LRP1B: variants seen among roughly 807,000 people sequenced by gnomAD.
LRP1B encodes LDL receptor related protein 1B, also known as low-density lipoprotein receptor-related protein 1B.
Under a neutral mutation model 556.6 loss-of-function variants are expected in LRP1B, and 217 were observed. The ratio of observed to expected loss-of-function variants is 0.39; its 90% CI spans 0.35 to 0.44. LRP1B has a LOEUF of 0.44. Among genes scored for constraint, LRP1B ranks in the 20% least tolerant of loss-of-function variants. The pLI, the probability that LRP1B is intolerant of heterozygous loss-of-function variation, is 1.00. For missense variants in LRP1B, 5,053 were observed against 5,620.8 expected, an observed-to-expected ratio of 0.90 and a Z score of 3.23; for synonymous variants, 2,047 against 1,865.8, an observed-to-expected ratio of 1.10 and a Z score of -2.50.
chr2:142,104,791 C>A (rs975511186), intron 1 of LRP1B, among the ~76,000 whole-genome samples: 1 of 152,018 alleles, frequency 6.6e-6, no homozygotes, highest in African/African-American at 2.4e-5. Context: ...CTTAAAAATG[C>A]GAGCAGTAAA....
At chr2:141,186,936 A>G (rs1239056630) in intron 7 of LRP1B, among the ~76,000 whole-genome samples, 1 of 152,012 alleles carries the variant, frequency 6.6e-6, no homozygotes, top group Non-Finnish European at 1.5e-5. Context: ...GAAAAACACA[A>G]TAGTTTTATA....
At chr2:142,082,983 A>C (rs1285819133) in intron 1 of LRP1B, among the ~76,000 whole-genome samples, 3 of 152,166 alleles carry the variant, frequency 2.0e-5, no homozygotes, top group Non-Finnish European at 4.4e-5. Context: ...AGGAATTCTA[A>C]ATTTCTATGT....
chr2:141,719,742 G>T (rs1041949673), intron 2 of LRP1B, among the ~76,000 whole-genome samples: 4 of 152,032 alleles, frequency 2.6e-5, no homozygotes, highest in African/African-American at 7.2e-5. Flanking sequence ...ACCTGGAGAT[G>T]ATTATAAAAT....
intron 55 of LRP1B, among the ~76,000 whole-genome samples, chr2:140,500,093 G>T (rs1360211747): frequency 2.0e-5 from 3 of 151,782 alleles, no homozygotes. Context: ...TGGCTCACTT[G>T]CTTTCTTTCT....
chr2:141,545,813 T>G (rs1259091745), intron 2 of LRP1B, among the ~76,000 whole-genome samples: 1 of 151,992 alleles, frequency 6.6e-6, no homozygotes, highest in Non-Finnish European at 1.5e-5. Flanking sequence ...AGAGAAGGAA[T>G]GAGAGCAGCT....
intron 1 of LRP1B, among the ~76,000 whole-genome samples, chr2:141,873,362 T>C (rs1698650553): frequency 6.6e-6 from 1 of 151,906 alleles, no homozygotes; most frequent in East Asian, 1.9e-4. Flanking sequence ...TGATTTTGGT[T>C]GTAGTACTGG....
At chr2:141,211,294 T>C (rs1235026127) in intron 6 of LRP1B, among the ~76,000 whole-genome samples, 15 of 147,700 alleles carry the variant, frequency 1.0e-4, no homozygotes, top group Non-Finnish European at 2.1e-4. Flanking sequence ...AGCCCATTTT[T>C]CTTTTTTTTT....
intron 7 of LRP1B, among the ~76,000 whole-genome samples, chr2:141,153,583 TATATTAG>T: frequency 7.3e-6 from 1 of 136,064 alleles, no homozygotes; most frequent in African/African-American, 2.7e-5. Context: ...TAATATATTA[TATATTAG>T]CTATATATAT....
intron 7 of LRP1B, among the ~76,000 whole-genome samples, chr2:141,163,089 A>G (rs1680106151): frequency 6.6e-6 from 1 of 152,056 alleles, no homozygotes; most frequent in Non-Finnish European, 1.5e-5. Flanking sequence ...GCCTAAGTTT[A>G]GTACAGTTGC....
chr2:142,036,694 C>A (rs1426059299), intron 1 of LRP1B, among the ~76,000 whole-genome samples: 1 of 151,638 alleles, frequency 6.6e-6, no homozygotes, highest in Non-Finnish European at 1.5e-5. Flanking sequence ...ATTGGCATAG[C>A]TGCTTTCCTG....
intron 31 of LRP1B, among the ~76,000 whole-genome samples, chr2:140,816,113 C>T (rs2171173): frequency 0.46 from 69,143 of 151,544 alleles, 16,893 homozygotes; most frequent in East Asian, 0.58. Context: ...ATCTTCTCAA[C>T]TGAATTTTTT....
intron 3 of LRP1B, among the ~76,000 whole-genome samples, chr2:141,409,781 G>T (rs1690782871): frequency 6.6e-6 from 1 of 152,018 alleles, no homozygotes; most frequent in Non-Finnish European, 1.5e-5. Flanking sequence ...TTATGCGAGG[G>T]GAGATGTAAT....
intron 5 of LRP1B, among the ~76,000 whole-genome samples, chr2:141,243,307 A>C (rs889435881): frequency 1.3e-5 from 2 of 151,866 alleles, no homozygotes; most frequent in South Asian, 2.1e-4. Flanking sequence ...ACAGAGAGAG[A>C]TCCTGTGTGT....
rs374455718 is a variant in LRP1B, at chr2:140,596,323, A to C, written c.7194+2308T>G. Among the ~76,000 whole-genome samples the C allele has an allele frequency of 3.6e-4, 55 of 152,306 alleles. 1 individual carries two copies. The South Asian group carries it at 0.011, about 32-fold the overall frequency. On this transcript the variant is annotated intron_variant, in intron 43 of 90. Coordinates refer to ENST00000389484, the MANE Select transcript of LRP1B (RefSeq NM_018557.3). ...GAGTATTTCAAAAAGATTACGCAGA[A>C]GCTCTATGTCTCTATTAGAGAGCAG...
At chr2:140,463,056 AC>A (rs1687388866) in intron 60 of LRP1B, among the ~76,000 whole-genome samples, 1 of 152,212 alleles carries the variant, frequency 6.6e-6, no homozygotes, top group Non-Finnish European at 1.5e-5. Flanking sequence ...CAGTGAAAAA[AC>A]GGGGTGAGAT....
intron 4 of LRP1B, among the ~76,000 whole-genome samples, chr2:141,253,229 A>G (rs373292653): frequency 6.6e-6 from 1 of 152,246 alleles, no homozygotes; most frequent in East Asian, 1.9e-4. Flanking sequence ...GATTTCTGTG[A>G]TTATGAGGCA....
intron 41 of LRP1B, among the ~76,000 whole-genome samples, chr2:140,629,850 C>T (rs1683814970): frequency 1.3e-5 from 2 of 152,024 alleles, no homozygotes; most frequent in East Asian, 3.9e-4. Flanking sequence ...TTTTACATGA[C>T]AAAAATTCAA....
intron 84 of LRP1B, among the ~76,000 whole-genome samples, chr2:140,278,896 G>T (rs980754522): frequency 2.0e-5 from 3 of 151,920 alleles, no homozygotes; most frequent in Non-Finnish European, 4.4e-5. Context: ...AGCCCTGGCA[G>T]AGTTGCCTCC....
intron 59 of LRP1B, among the ~76,000 whole-genome samples, chr2:140,481,578 T>TTTTTTA (rs551782178): frequency 2.2e-5 from 3 of 137,130 alleles, no homozygotes; most frequent in Admixed American, 7.4e-5. Context: ...GGTAGCCATC[T>TTTTTTA]TTATTATTAT....
Sources: allele counts gnomAD v4.1 joint callset (sites outside exome capture counted in the v4.1 genomes callset), GRCh38; gene constraint gnomAD v4.1.1; transcripts MANE v1.5; gene names NCBI Gene and HGNC (gene_info 2026-07-23, HGNC 2026-07-21).